ADORA1: variants seen among roughly 807,000 people sequenced by gnomAD.
ADORA1 encodes adenosine receptor A1.
Under a neutral mutation model 19.9 loss-of-function variants are expected in ADORA1, and 6 were observed. The observed-to-expected ratio is 0.30, with a 90% CI of 0.17 to 0.59. ADORA1 has a LOEUF of 0.59. Ranked by LOEUF, ADORA1 falls within the 20% of genes least tolerant of loss-of-function variation. ADORA1 has a pLI of 0.87. For missense variants in ADORA1, 302 were observed against 439.2 expected, an observed-to-expected ratio of 0.69 and a Z score of 2.79; for synonymous variants, 194 against 188.4, an observed-to-expected ratio of 1.03 and a Z score of -0.24.
At chr1:203,148,088 G>A (rs1196465990) in intron 3 of ADORA1, among the ~76,000 whole-genome samples, 3 of 152,058 alleles carry the variant, frequency 2.0e-5, no homozygotes, top group Admixed American at 6.5e-5. Flanking sequence ...GCGTGGTGGC[G>A]GGCGCCTGTA....
rs1350299926 is a variant in ADORA1 at position 203,128,689 on chromosome 1, G to A, written c.-57-96G>A. On this transcript the variant is annotated intron_variant, in intron 2 of 3. Coordinates refer to ENST00000337894, the MANE Select transcript of ADORA1 (RefSeq NM_000674.3). The surrounding 1 kb of genome is among the most constrained non-coding windows in gnomAD (Gnocchi z 5.9). ...TGGGTAGGAGCTGCATGTGACAAGTGGGACACATCACAGGGTACCTGGAGT... is the reference window on the plus strand; with the variant it reads ...TGGGTAGGAGCTGCATGTGACAAGTAGGACACATCACAGGGTACCTGGAGT... The A allele has an allele frequency of 2.2e-6, 3 of 1,380,208 alleles. No homozygotes were observed. Among genetic ancestry groups the A allele is most frequent in the Non-Finnish European group, 2.9e-6 (3 of 1,038,426 alleles). 85.5% of individuals were successfully genotyped at this position (1,380,208 alleles called of 1,614,324 possible).
chr1:203,155,191 G>A (rs766456292), intron 3 of ADORA1, among the ~76,000 whole-genome samples: 16 of 151,892 alleles, frequency 1.1e-4, no homozygotes, highest in South Asian at 2.1e-4. Flanking sequence ...ATAGGTACCC[G>A]CCATCACACC....
At chr1:203,136,465 A>G (rs918438047) in intron 3 of ADORA1, among the ~76,000 whole-genome samples, 1 of 152,146 alleles carries the variant, frequency 6.6e-6, no homozygotes, top group Non-Finnish European at 1.5e-5. Flanking sequence ...CCATTTATCT[A>G]TTTTATAAGT....
At chr1:203,138,128 A>G (rs1654568738) in intron 3 of ADORA1, among the ~76,000 whole-genome samples, 1 of 152,218 alleles carries the variant, frequency 6.6e-6, no homozygotes, top group Non-Finnish European at 1.5e-5. Flanking sequence ...AGAAGAATCA[A>G]TATGACCAGA....
chr1:203,142,608 G>T (rs1393249274), intron 3 of ADORA1, among the ~76,000 whole-genome samples: 1 of 152,224 alleles, frequency 6.6e-6, no homozygotes, highest in Non-Finnish European at 1.5e-5. Context: ...GATCACCGGA[G>T]CTTGTACAGC....
At chr1:203,157,720 G>C (rs1655240142) in intron 3 of ADORA1, among the ~76,000 whole-genome samples, 1 of 152,240 alleles carries the variant, frequency 6.6e-6, no homozygotes, top group Non-Finnish European at 1.5e-5. Flanking sequence ...TGCAGAATCA[G>C]CACCATGTGG....
chr1:203,167,397 T>G lies in ADORA1; in HGVS notation c.*1497T>G, dbSNP rs1655594005. ...GGCCCATGTGACTAATAAAAAACTG[T>G]GAACCCTGTGGAGAGCACATTGCTG... On this transcript the variant is annotated 3_prime_UTR_variant, in exon 4 of 4. Transcript: ENST00000337894. 6.6e-6 allele frequency: 1 copy of G among 152,220 alleles called. No individual in the cohort carries two copies. The highest frequency in any genetic ancestry group is 1.5e-5 in the Non-Finnish European group (1 of 68,096). 9.4% of individuals were successfully genotyped at this position (152,220 alleles called of 1,614,324 possible).
At chr1:203,159,219 C>G (rs1156873512) in intron 3 of ADORA1, among the ~76,000 whole-genome samples, 1 of 152,238 alleles carries the variant, frequency 6.6e-6, no homozygotes, top group East Asian at 1.9e-4. Context: ...GTTTTCTTGC[C>G]TTCCATCATT....
chr1:203,141,550 G>GAA (rs549263236), intron 3 of ADORA1, among the ~76,000 whole-genome samples: 191 of 137,444 alleles, frequency 1.4e-3, no homozygotes, highest in African/African-American at 5.0e-3. Flanking sequence ...CGGTCTGTTT[G>GAA]AAAAAAGCTC....
intron 3 of ADORA1, among the ~76,000 whole-genome samples, chr1:203,149,126 C>T (rs1654953062): frequency 6.6e-6 from 1 of 152,184 alleles, no homozygotes; most frequent in African/African-American, 2.4e-5. Context: ...GGTCCACCCT[C>T]CTCAGCCTCC....
intron 3 of ADORA1, among the ~76,000 whole-genome samples, chr1:203,164,422 C>T (rs11579990): frequency 0.042 from 6,384 of 152,322 alleles, 184 homozygotes; most frequent in South Asian, 0.077. Context: ...AATGCATCCA[C>T]GTATGCATGC....
At chr1:203,136,330 CA>C (rs1654506449) in intron 3 of ADORA1, among the ~76,000 whole-genome samples, 1 of 151,882 alleles carries the variant, frequency 6.6e-6, no homozygotes, top group Admixed American at 6.6e-5. Flanking sequence ...GGGCAGCTGG[CA>C]AGGGGCTTCC....
chr1:203,140,669 C>T (rs1259422861), intron 3 of ADORA1, among the ~76,000 whole-genome samples: 1 of 152,200 alleles, frequency 6.6e-6, no homozygotes, highest in Non-Finnish European at 1.5e-5. Flanking sequence ...TTCAGCCACT[C>T]CAGCTGCTCT....
chr1:203,128,429 G>A lies in ADORA1; in HGVS notation c.-61G>A, dbSNP rs1265278663. On this transcript the variant is annotated 5_prime_UTR_variant, in exon 2 of 4. Transcript: ENST00000337894. This position sits in a 1 kb window ranked among gnomAD's most constrained non-coding sequence, Gnocchi z 5.9. ...GGGACCCCTGCCGGCCAGCAGGCAG[G>A]ATGGTGAGCTCCCTGCATCCTGTTC... is the stretch of plus-strand genomic sequence containing the variant. The A allele has an allele frequency of 7.7e-7, 1 of 1,294,302 alleles. No homozygotes were observed. The highest frequency in any genetic ancestry group is 1.0e-6 in the Non-Finnish European group (1 of 992,316). The allele number at this position is 1,294,302 out of a possible 1,614,324, so 80.2% of individuals were successfully genotyped here.
intron 3 of ADORA1, among the ~76,000 whole-genome samples, chr1:203,158,901 C>T (rs1391518275): frequency 6.6e-6 from 1 of 152,154 alleles, no homozygotes; most frequent in Non-Finnish European, 1.5e-5. Flanking sequence ...TATAAAGACT[C>T]CACTCCTGTG....
chr1:203,144,251 C>A (rs929636674), intron 3 of ADORA1, among the ~76,000 whole-genome samples: 9 of 152,190 alleles, frequency 5.9e-5, no homozygotes, highest in Admixed American at 1.3e-4. Flanking sequence ...TTTAATATAA[C>A]CCTTATCAAA....
At chr1:203,138,089 G>A (rs553352786) in intron 3 of ADORA1, among the ~76,000 whole-genome samples, 1 of 152,260 alleles carries the variant, frequency 6.6e-6, no homozygotes, top group African/African-American at 2.4e-5. Context: ...GTTGGATGTG[G>A]GAATTTTCCT....
chr1:203,162,004 G>T (rs77283058), intron 3 of ADORA1, among the ~76,000 whole-genome samples: 1 of 152,334 alleles, frequency 6.6e-6, no homozygotes, highest in South Asian at 2.1e-4. Context: ...CCTGAGAGCA[G>T]CATCTCCCTG....
chr1:203,140,600 C>A (rs1342759575), intron 3 of ADORA1, among the ~76,000 whole-genome samples: 1 of 152,182 alleles, frequency 6.6e-6, no homozygotes, highest in Non-Finnish European at 1.5e-5. Context: ...TCTCTTACCT[C>A]ACACAGCCTC....
Sources: allele counts gnomAD v4.1 joint callset (sites outside exome capture counted in the v4.1 genomes callset), GRCh38; gene constraint gnomAD v4.1.1; non-coding constraint Gnocchi (gnomAD v3.1); transcripts MANE v1.5; gene names NCBI Gene and HGNC (gene_info 2026-07-23, HGNC 2026-07-21).